ARHGEF3: variants seen among roughly 807,000 people sequenced by gnomAD.
The protein encoded by ARHGEF3 is Rho guanine nucleotide exchange factor 3.
A neutral mutation model predicts 63.2 loss-of-function variants in ARHGEF3; 28 were observed. That is an observed-to-expected ratio of 0.44 (90% CI 0.33 to 0.61). ARHGEF3 has a LOEUF of 0.61. Among genes scored for constraint, ARHGEF3 ranks in the 20% least tolerant of loss-of-function variants. The probability of loss-of-function intolerance (pLI) is 0.03; values close to 1 mark genes in which losing one functional copy is unlikely to be tolerated. For missense variants in ARHGEF3, 533 were observed against 659.3 expected (o/e 0.81, Z 2.10); for synonymous variants, 266 against 254.2 (o/e 1.05, Z -0.44).
chr3:56,997,483 ACT>A (rs1459602225), intron 2 of ARHGEF3, among the ~76,000 whole-genome samples: 1 of 152,062 alleles, frequency 6.6e-6, no homozygotes, highest in Non-Finnish European at 1.5e-5. Context: ...CCAAAAGCAA[ACT>A]CTGCCCCCCT....
At chr3:56,967,316 T>TAC (rs1331459505) in intron 2 of ARHGEF3, among the ~76,000 whole-genome samples, 1 of 57,214 alleles carries the variant, frequency 1.7e-5, no homozygotes, top group African/African-American at 4.0e-5. Flanking sequence ...TTATATATTA[T>TAC]ATATTATATA....
At chr3:56,777,539 C>T (rs1186780326) in intron 1 of ARHGEF3, among the ~76,000 whole-genome samples, 1 of 151,678 alleles carries the variant, frequency 6.6e-6, no homozygotes, top group South Asian at 2.1e-4. Context: ...TTCCCCTCAA[C>T]AGGTAAAAGC....
intron 2 of ARHGEF3, among the ~76,000 whole-genome samples, chr3:56,964,823 G>A (rs1368609851): frequency 2.6e-5 from 4 of 152,132 alleles, no homozygotes; most frequent in African/African-American, 4.8e-5. Flanking sequence ...AAAGGGAAAA[G>A]TAGGCCAAGC....
chr3:56,848,459 T>C (rs2039562781), intron 4 of ARHGEF3, among the ~76,000 whole-genome samples: 1 of 152,142 alleles, frequency 6.6e-6, no homozygotes, highest in Non-Finnish European at 1.5e-5. Context: ...CTTAGAGGGC[T>C]TTTTGGGACA....
At chr3:56,827,164 A>G (rs1191136474) in intron 4 of ARHGEF3, among the ~76,000 whole-genome samples, 1 of 152,226 alleles carries the variant, frequency 6.6e-6, no homozygotes, top group Non-Finnish European at 1.5e-5. Context: ...AACAAGAACA[A>G]CAATGAAAAT....
At chr3:56,761,969 T>C (rs2035445617) in intron 2 of ARHGEF3, among the ~76,000 whole-genome samples, 1 of 152,180 alleles carries the variant, frequency 6.6e-6, no homozygotes, top group African/African-American at 2.4e-5. Flanking sequence ...GTAGAAAGTT[T>C]CTCAACCTGG....
At chr3:56,987,009 C>T (rs1449486773) in intron 2 of ARHGEF3, among the ~76,000 whole-genome samples, 1 of 152,002 alleles carries the variant, frequency 6.6e-6, no homozygotes, top group Non-Finnish European at 1.5e-5. Context: ...GCCAGGAGTT[C>T]GAGACCTGCC....
intron 3 of ARHGEF3, among the ~76,000 whole-genome samples, chr3:56,920,240 C>T (rs954887389): frequency 1.1e-4 from 17 of 152,134 alleles, no homozygotes; most frequent in African/African-American, 2.9e-4. Context: ...AGGGTGCCTA[C>T]GATGCAAAGA....
intron 4 of ARHGEF3, among the ~76,000 whole-genome samples, chr3:56,867,457 CTATTTATT>C (rs36136849): frequency 0.014 from 2,139 of 149,716 alleles, 47 homozygotes; most frequent in African/African-American, 0.05. Flanking sequence ...AGTTAAAATG[CTATTTATT>C]TATTTATTTA....
intron 1 of ARHGEF3, among the ~76,000 whole-genome samples, chr3:57,068,787 T>C (rs986809995): frequency 1.3e-5 from 2 of 152,140 alleles, no homozygotes; most frequent in Non-Finnish European, 2.9e-5. Flanking sequence ...GTTATATCAT[T>C]GTGTTTTTCC....
At chr3:57,069,610 T>A (rs953731620) in intron 1 of ARHGEF3, among the ~76,000 whole-genome samples, 1 of 152,010 alleles carries the variant, frequency 6.6e-6, no homozygotes, top group Non-Finnish European at 1.5e-5. Flanking sequence ...AAGCATTACA[T>A]CTGGAACACA....
chr3:57,002,485 A>ATATATATATGTTATATATATATATGT (rs1553802506), intron 2 of ARHGEF3, among the ~76,000 whole-genome samples: 4 of 45,080 alleles, frequency 8.9e-5, no homozygotes, highest in African/African-American at 3.7e-4. Flanking sequence ...TATGTTATAT[A>ATATATATATGTTATATATATATATGT]TATATATATA....
intron 2 of ARHGEF3, among the ~76,000 whole-genome samples, chr3:57,007,631 C>G (rs1002859512): frequency 6.6e-6 from 1 of 152,174 alleles, no homozygotes; most frequent in Non-Finnish European, 1.5e-5. Context: ...CTCTTCCTAG[C>G]CGACCAGGGA....
chr3:56,857,502 AG>A (rs1198850244), intron 4 of ARHGEF3, among the ~76,000 whole-genome samples: 1 of 152,208 alleles, frequency 6.6e-6, no homozygotes, highest in African/African-American at 2.4e-5. Flanking sequence ...AAGAGCACAA[AG>A]AGTTTAAGGA....
At chr3:56,951,656 C>T (rs556180741) in intron 3 of ARHGEF3, among the ~76,000 whole-genome samples, 1 of 151,912 alleles carries the variant, frequency 6.6e-6, no homozygotes, top group Non-Finnish European at 1.5e-5. Context: ...CAATTTGACT[C>T]GGATTACTGG....
intron 8 of ARHGEF3, 152 bp downstream of exon 8, chr3:56,737,033 T>C: frequency 1.2e-6 from 1 of 834,038 alleles, no homozygotes. Flanking sequence ...AGGCAGAGGT[T>C]GCAGTGAGCC....
chr3:56,744,350 G>C (rs1410310282), intron 7 of ARHGEF3, among the ~76,000 whole-genome samples: 1 of 151,410 alleles, frequency 6.6e-6, no homozygotes, highest in Non-Finnish European at 1.5e-5. Flanking sequence ...ATTGCTGCTA[G>C]GGAAAAATAT....
intron 7 of ARHGEF3, among the ~76,000 whole-genome samples, chr3:56,742,883 CTG>C (rs2034134426): frequency 1.3e-5 from 2 of 152,164 alleles, no homozygotes; most frequent in South Asian, 4.1e-4. Flanking sequence ...ATATTCTTAT[CTG>C]TTTTTAAATT....
chr3:56,862,579 C>A (rs1338729816), intron 4 of ARHGEF3, among the ~76,000 whole-genome samples: 4 of 152,184 alleles, frequency 2.6e-5, no homozygotes, highest in Non-Finnish European at 4.4e-5. Flanking sequence ...AATGTGCATT[C>A]CCTTAAAGTC....
Sources: gnomAD v4.1 joint callset for allele counts (sites outside exome capture counted in the v4.1 genomes callset) on GRCh38, gnomAD v4.1.1 for gene constraint, MANE v1.5 for transcripts, NCBI Gene and HGNC (gene_info 2026-07-23, HGNC 2026-07-21) for gene names.